MSRA: variants seen among roughly 807,000 people sequenced by gnomAD.
MSRA encodes methionine sulfoxide reductase A.
MSRA carries 54 observed loss-of-function variants against 31.3 expected under a neutral mutation model. That is an observed-to-expected ratio of 1.73 (90% confidence interval 1.39 to 2.17). The LOEUF (loss-of-function observed/expected upper bound fraction) is 2.17. Ranked by LOEUF, MSRA falls within the 30% of genes most tolerant of loss-of-function variation. MSRA has a pLI of 0.00. For missense variants in MSRA, 507 were observed against 300.9 expected, an observed-to-expected ratio of 1.69 and a Z score of -5.07; for synonymous variants, 169 against 116.5, an observed-to-expected ratio of 1.45 and a Z score of -2.90.
At chr8:10,263,689 T>G (rs575562798) in intron 3 of MSRA, among the ~76,000 whole-genome samples, 74 of 152,244 alleles carry the variant, frequency 4.9e-4, no homozygotes, top group African/African-American at 1.8e-3. Context: ...CTTGGGTCTT[T>G]CTGAAGGGAA....
intron 5 of MSRA, among the ~76,000 whole-genome samples, chr8:10,357,393 G>A (rs190385747): frequency 1.5e-4 from 23 of 152,320 alleles, no homozygotes; most frequent in Admixed American, 1.4e-3. Context: ...TTGGTTTCCT[G>A]TCTTCCTTAA....
At chr8:10,342,721 C>T (rs1803507557) in intron 5 of MSRA, among the ~76,000 whole-genome samples, 1 of 152,174 alleles carries the variant, frequency 6.6e-6, no homozygotes, top group Non-Finnish European at 1.5e-5. Context: ...AGAGGTAAAG[C>T]AATGCTCCCA....
chr8:10,263,524 T>C (rs1563284314), intron 3 of MSRA, among the ~76,000 whole-genome samples: 2 of 152,226 alleles, frequency 1.3e-5, no homozygotes, highest in South Asian at 2.1e-4. Flanking sequence ...CTAAGAGCCT[T>C]TGTGGTACCA....
chr8:10,220,628 T>A (rs1810404455), intron 2 of MSRA, among the ~76,000 whole-genome samples: 1 of 152,222 alleles, frequency 6.6e-6, no homozygotes, highest in African/African-American at 2.4e-5. Flanking sequence ...TTTTCCAGTT[T>A]CCTAATTTCC....
Position 10,372,548 on chromosome 8 carries a change from T to A in MSRA, c.543+52559T>A, listed in dbSNP as rs147342715. Among the ~76,000 whole-genome samples, 620 of 152,326 alleles carry A rather than the reference T, an allele frequency of 4.1e-3. 1 individual carries two copies. Among genetic ancestry groups the A allele is most frequent in the Middle Eastern group, 0.027 (8 of 294 alleles). ...GAGTCTCACTTTTACAACCACTGTG[T>A]TCCTAGCAACGGTAACTATCCAATT... On this transcript the variant is annotated intron_variant, in intron 5 of 5. Coordinates refer to ENST00000317173, the MANE Select transcript of MSRA (RefSeq NM_012331.5).
intron 5 of MSRA, among the ~76,000 whole-genome samples, chr8:10,341,489 C>G (rs1054597241): frequency 6.6e-6 from 1 of 152,176 alleles, no homozygotes; most frequent in Non-Finnish European, 1.5e-5. Context: ...CCACTAGGCC[C>G]CACCTCCAGG....
chr8:10,181,942 C>G (rs372345909), intron 1 of MSRA, among the ~76,000 whole-genome samples: 1 of 152,026 alleles, frequency 6.6e-6, no homozygotes, highest in Non-Finnish European at 1.5e-5. Flanking sequence ...TGGGGGTGAG[C>G]AGGAGATTAA....
At chr8:10,385,781 C>T (rs1806350935) in intron 5 of MSRA, among the ~76,000 whole-genome samples, 1 of 137,578 alleles carries the variant, frequency 7.3e-6, no homozygotes, top group Admixed American at 8.7e-5. Context: ...TGGGAGTGAA[C>T]TGTGGATGTT....
chr8:10,389,144 C>G (rs1171705774), intron 5 of MSRA, among the ~76,000 whole-genome samples: 1 of 152,160 alleles, frequency 6.6e-6, no homozygotes, highest in East Asian at 1.9e-4. Context: ...CACTCACCCA[C>G]TCCTGGGCCC....
chr8:10,245,718 G>A (rs946588768), intron 3 of MSRA, among the ~76,000 whole-genome samples: 1 of 152,210 alleles, frequency 6.6e-6, no homozygotes, highest in African/African-American at 2.4e-5. Context: ...ACTGGCCTGA[G>A]CTAATTCACA....
At chr8:10,287,948 G>A (rs896871631) in intron 3 of MSRA, among the ~76,000 whole-genome samples, 1 of 152,088 alleles carries the variant, frequency 6.6e-6, no homozygotes, top group Non-Finnish European at 1.5e-5. Context: ...TAGACTGTGA[G>A]CTCTTTGAGG....
At chr8:10,108,308 C>A (rs1206389797) in intron 1 of MSRA, among the ~76,000 whole-genome samples, 4 of 152,188 alleles carry the variant, frequency 2.6e-5, no homozygotes, top group African/African-American at 9.7e-5. Flanking sequence ...GCTGTTGATT[C>A]ATTCACATTA....
intron 5 of MSRA, among the ~76,000 whole-genome samples, chr8:10,323,087 C>A (rs1802144147): frequency 1.9e-5 from 1 of 53,836 alleles, no homozygotes; most frequent in African/African-American, 7.0e-5. Flanking sequence ...GAGACTCCAT[C>A]TCAAAAAAAA....
intron 1 of MSRA, among the ~76,000 whole-genome samples, chr8:10,076,299 G>A (rs549200696): frequency 6.6e-6 from 1 of 152,290 alleles, no homozygotes; most frequent in Admixed American, 6.5e-5. Flanking sequence ...GCCCTGTTTT[G>A]TAAGAGTGAC....
intron 5 of MSRA, among the ~76,000 whole-genome samples, chr8:10,383,618 G>A (rs1806209838): frequency 6.6e-6 from 1 of 151,982 alleles, no homozygotes; most frequent in Admixed American, 6.6e-5. Context: ...AACCATATTA[G>A]ACACCTTGAA....
At chr8:10,335,463 T>C (rs1188801055) in intron 5 of MSRA, among the ~76,000 whole-genome samples, 1 of 152,076 alleles carries the variant, frequency 6.6e-6, no homozygotes, top group East Asian at 1.9e-4. Context: ...ATTATCTTCG[T>C]CTTGCTGGGT....
Position 10,420,782 on chromosome 8 carries a change from C to T in MSRA, c.544-7366C>T, listed in dbSNP as rs181423546. 5.1e-3 allele frequency among the ~76,000 whole-genome samples: 769 copies of T among 152,026 alleles called. 3 individuals carry two copies. Among genetic ancestry groups the T allele is most frequent in the Non-Finnish European group, 7.2e-3 (487 of 68,020 alleles). On this transcript the variant is annotated intron_variant, in intron 5 of 5. Coordinates refer to ENST00000317173, the MANE Select transcript of MSRA (RefSeq NM_012331.5). ...TTCAGTTCAGAAAGATGAAAAAGTT[C>T]TAGAGATAGTAGTGATAGTTGTACA...
At chr8:10,113,137 CT>C (rs1800407257) in intron 1 of MSRA, among the ~76,000 whole-genome samples, 2 of 152,068 alleles carry the variant, frequency 1.3e-5, no homozygotes, top group Admixed American at 6.6e-5. Context: ...TGTCTTCCCC[CT>C]GTAGGTGCTC....
chr8:10,405,063 C>T (rs889711731), intron 5 of MSRA, among the ~76,000 whole-genome samples: 3 of 152,166 alleles, frequency 2.0e-5, no homozygotes, highest in Middle Eastern at 3.2e-3. Context: ...TGGTGGATGT[C>T]GGACAGGAGA....
Sources: allele counts gnomAD v4.1 joint callset (sites outside exome capture counted in the v4.1 genomes callset), GRCh38; gene constraint gnomAD v4.1.1; transcripts MANE v1.5; gene names NCBI Gene and HGNC (gene_info 2026-07-23, HGNC 2026-07-21).